The following CD36 variants were observed in gnomAD, a reference collection of about 807,000 sequenced individuals.
CD36 encodes the protein CD36 molecule (CD36 blood group), also known as platelet glycoprotein 4.
Under a neutral mutation model 55.2 loss-of-function variants are expected in CD36, and 119 were observed. The observed-to-expected ratio is 2.15, with a 90% CI of 1.86 to 2.51. CD36 has a LOEUF of 2.51. Among genes scored for constraint, CD36 ranks in the 30% most tolerant of loss-of-function variants. The pLI is 0.00. For missense variants in CD36, 819 were observed against 555.5 expected (o/e 1.47, Z -4.77); for synonymous variants, 186 against 193.6 (o/e 0.96, Z 0.33).
rs1013071003 is a variant in CD36 at position 80,672,451 on chromosome 7, T to C, written c.1126-319T>C. Among the ~76,000 whole-genome samples the C allele has an allele frequency of 7.2e-5, 11 of 151,968 alleles. No homozygotes were observed. In the East Asian group the frequency reaches 2.1e-3, roughly 29 times the overall value. On this transcript the variant is annotated intron_variant, in intron 11 of 14. Transcript: ENST00000447544. ...AGTTTAAACAATGACACATGGATTC[T>C]AACTGAATATATATTTGACCAGGAA...
intron 8 of CD36, among the ~76,000 whole-genome samples, chr7:80,667,073 T>G (rs1226698852): frequency 6.6e-6 from 1 of 152,148 alleles, no homozygotes; most frequent in Non-Finnish European, 1.5e-5. Context: ...ATCAGGCTTA[T>G]TCTCCTTCAG....
chr7:80,672,744 T>TAATTA, intron 11 of CD36, 26 bp from the exon 12 acceptor site: 1 of 1,498,920 alleles, frequency 6.7e-7, no homozygotes, highest in Non-Finnish European at 9.3e-7. Flanking sequence ...TAAAAGTTGG[T>TAATTA]AATTATTTAG....
intron 1 of CD36, among the ~76,000 whole-genome samples, chr7:80,643,347 T>A (rs1240249354): frequency 1.3e-5 from 2 of 152,192 alleles, no homozygotes; most frequent in African/African-American, 4.8e-5. Context: ...TTGTCAGAGT[T>A]GCAAATGACA....
At chr7:80,651,867 C>T (rs938158157) in intron 3 of CD36, among the ~76,000 whole-genome samples, 3 of 152,142 alleles carry the variant, frequency 2.0e-5, no homozygotes, top group South Asian at 2.1e-4. Context: ...TAAGGTCGCG[C>T]CTCTGTACTT....
chr7:80,656,896 A>C (rs1176858828), intron 4 of CD36, among the ~76,000 whole-genome samples, 196 bp downstream of exon 4: 1 of 152,156 alleles, frequency 6.6e-6, no homozygotes, highest in African/African-American at 2.4e-5. Context: ...ATTTTGAAAA[A>C]AGTGGAAGAT....
chr7:80,653,062 A>G (rs548563423), intron 3 of CD36, among the ~76,000 whole-genome samples: 21 of 152,302 alleles, frequency 1.4e-4, no homozygotes, highest in African/African-American at 5.1e-4. Context: ...AATCTGCTCA[A>G]ACTTCAATGA....
chr7:80,637,137 T>C (rs1252205827), upstream of CD36: 15 of 152,130 alleles, frequency 9.9e-5, no homozygotes, highest in Middle Eastern at 3.2e-3. Context: ...AAACAGGTCT[T>C]ATCTGAACCC....
intron 3 of CD36, among the ~76,000 whole-genome samples, chr7:80,648,294 CTG>C (rs1778284629): frequency 6.6e-6 from 1 of 152,108 alleles, no homozygotes; most frequent in Admixed American, 6.6e-5. Flanking sequence ...AGATCAGTGT[CTG>C]TGTTAACGTA....
At chr7:80,629,376 G>A (rs1037879459) in intron 1 of CD36, among the ~76,000 whole-genome samples, 8 of 152,140 alleles carry the variant, frequency 5.3e-5, no homozygotes, top group African/African-American at 1.9e-4. Flanking sequence ...CAACAAAGGA[G>A]CACATTTTCA....
intron 9 of CD36, 90 bp downstream of exon 9, chr7:80,670,112 T>G: frequency 2.4e-6 from 2 of 817,492 alleles, no homozygotes; most frequent in Non-Finnish European, 4.3e-6. Context: ...CATAGGAAAT[T>G]CATCATGTTT....
intron 1 of CD36, chr7:80,626,069 CT>C (rs1793722787): frequency 6.6e-6 from 1 of 151,912 alleles, no homozygotes; most frequent in African/African-American, 2.4e-5. Context: ...TGTATTTTTC[CT>C]TAAGGGATGA....
chr7:80,603,736 GAT>G (rs1792372517), intron 1 of CD36, among the ~76,000 whole-genome samples: 6 of 116,142 alleles, frequency 5.2e-5, no homozygotes, highest in African/African-American at 2.1e-4. Flanking sequence ...CTGGGGAAAA[GAT>G]AAGCTCTGGA....
upstream of CD36, among the ~76,000 whole-genome samples, chr7:80,634,801 A>AT (rs74272977): frequency 3.2e-4 from 48 of 150,026 alleles, no homozygotes; most frequent in African/African-American, 4.1e-4. Flanking sequence ...AAGAAAGTTT[A>AT]TTTTTTTTTT....
intron 1 of CD36, among the ~76,000 whole-genome samples, chr7:80,645,256 G>A (rs1795076981): frequency 6.6e-6 from 1 of 151,126 alleles, no homozygotes; most frequent in Non-Finnish European, 1.5e-5. Flanking sequence ...CCAACCTCAG[G>A]TGATCCACCC....
intron 1 of CD36, among the ~76,000 whole-genome samples, chr7:80,641,657 C>G (rs1794821551): frequency 6.6e-6 from 1 of 152,034 alleles, no homozygotes; most frequent in African/African-American, 2.4e-5. Flanking sequence ...AAATCTAAAA[C>G]TTTTCAAATT....
In CD36 at chr7:80,611,703, A is replaced by T. The variant is rs553497082; in HGVS notation, c.-184+9324A>T. ...TTGGTTGGGGAGGGTCGAGGAGGTG[A>T]TACTGAAGGAAATAGAGATTTGCTC... On this transcript the variant is annotated intron_variant, in intron 1 of 13. Transcript: ENST00000309881. 1.5e-4 allele frequency among the ~76,000 whole-genome samples: 23 copies of T among 152,314 alleles called. No homozygotes were observed. The South Asian group carries it at 4.6e-3, about 30-fold the overall frequency.
intron 1 of CD36, among the ~76,000 whole-genome samples, chr7:80,603,133 C>T (rs556879417): frequency 3.3e-5 from 5 of 151,890 alleles, no homozygotes; most frequent in Non-Finnish European, 7.4e-5. Context: ...CATAATATGG[C>T]TACATAAGAT....
intron 1 of CD36, among the ~76,000 whole-genome samples, chr7:80,619,999 T>C (rs2115885504): frequency 6.6e-6 from 1 of 152,316 alleles, no homozygotes; most frequent in Admixed American, 6.5e-5. Flanking sequence ...GCTTTTCTAA[T>C]TGAGCAAAGA....
At chr7:80,623,153 T>TA (rs1793563360) in intron 1 of CD36, among the ~76,000 whole-genome samples, 3 of 152,094 alleles carry the variant, frequency 2.0e-5, no homozygotes, top group African/African-American at 4.8e-5. Flanking sequence ...TCTAAAGAGA[T>TA]AAAAAATAAC....
Sources: allele counts gnomAD v4.1 joint callset (sites outside exome capture counted in the v4.1 genomes callset), GRCh38; gene constraint gnomAD v4.1.1; transcripts MANE v1.5; gene names NCBI Gene and HGNC (gene_info 2026-07-23, HGNC 2026-07-21).